ABR: variants seen among roughly 807,000 people sequenced by gnomAD.
The protein encoded by ABR is ABR activator of RhoGEF and GTPase.
Under a neutral mutation model 107.2 loss-of-function variants are expected in ABR, and 35 were observed. The observed-to-expected ratio is 0.33, with a 90% CI of 0.25 to 0.43. ABR has a LOEUF of 0.43. ABR is among the 20% of genes least tolerant of loss of function. The probability of loss-of-function intolerance (pLI) is 1.00; values close to 1 mark genes in which losing one functional copy is unlikely to be tolerated. For missense variants in ABR, 815 were observed against 1,115.2 expected (o/e 0.73, Z 3.83); for synonymous variants, 498 against 462.0 (o/e 1.08, Z -1.00).
chr17:1,101,772 CG>C (rs536779692), intron 2 of ABR, among the ~76,000 whole-genome samples: 2 of 150,166 alleles, frequency 1.3e-5, no homozygotes, highest in South Asian at 4.2e-4. Flanking sequence ...CTCGCTCTGT[CG>C]CCCAGGCTAG....
chr17:1,025,998 C>T (rs1490298704), intron 16 of ABR, among the ~76,000 whole-genome samples: 1 of 152,212 alleles, frequency 6.6e-6, no homozygotes, highest in Admixed American at 6.5e-5. Context: ...TCCCACTAAA[C>T]CCCCTGCTCC....
chr17:1,012,723 G>C lies in ABR; in HGVS notation c.1926C>G (p.Thr642=), dbSNP rs148177398. The C allele has an allele frequency of 6.3e-7, 1 of 1,594,936 alleles. No homozygotes were observed. Among genetic ancestry groups the C allele is most frequent in the Admixed American group, 1.7e-5 (1 of 57,346 alleles). The change falls in exon 18 of 23, where the codon ACC becomes ACG. Residue 642 remains threonine (T), a synonymous_variant. Transcript: ENST00000302538. ...SLKRTPSKKQ[T]GVFGVKISVV... ...CGCTGATCTTCACACCGAAGACGCC[G>C]GTCTGCTTTTTGGACGGGGTCCTCT...
At position 1,050,217 on chromosome 17, in the gene ABR, G is replaced by C. The variant is rs751461853; in HGVS notation, c.1660-36C>G. 2 of 1,588,772 alleles carry C rather than the reference G, an allele frequency of 1.3e-6. No homozygotes were observed. The highest frequency in any genetic ancestry group is 1.3e-5 in the African/African-American group (1 of 74,280). ...ATGGGACAAAGGGCCCTGAACCTCC[G>C]AAGCTGGGAGGCCTGGCTTTCCGGC... On this transcript the variant is annotated intron_variant, in intron 15 of 22. Transcript: ENST00000302538. The surrounding 1 kb of genome is among the most constrained non-coding windows in gnomAD (Gnocchi z 4.6).
chr17:1,229,630 T>C (rs2043299239), exon 1 of ABR, among the ~76,000 whole-genome samples: 1 of 151,576 alleles, frequency 6.6e-6, no homozygotes, highest in South Asian at 2.1e-4. Context: ...GGGTCCCACA[T>C]GCCCCGAGCT....
intron 1 of ABR, among the ~76,000 whole-genome samples, chr17:1,206,427 G>T (rs916065106): frequency 1.8e-4 from 28 of 152,254 alleles, no homozygotes; most frequent in Non-Finnish European, 1.3e-4. Flanking sequence ...TTCTTGCTCT[G>T]CCACCCAGGC....
upstream of ABR, among the ~76,000 whole-genome samples, chr17:1,180,143 C>T (rs1449867750): frequency 6.6e-6 from 1 of 151,446 alleles, no homozygotes; most frequent in Admixed American, 6.6e-5. Context: ...CAGCGGGGCT[C>T]CGGCGCTGGG....
intron 1 of ABR, among the ~76,000 whole-genome samples, chr17:1,129,692 T>C (rs554665652): frequency 2.1e-4 from 32 of 152,268 alleles, no homozygotes; most frequent in Non-Finnish European, 4.3e-4. Flanking sequence ...CTCACACCTG[T>C]AATCCCAGCA....
At chr17:1,186,695 A>AGC (rs1290889099) in intron 1 of ABR, 1 of 152,378 alleles carries the variant, frequency 6.6e-6, no homozygotes, top group Non-Finnish European at 1.5e-5. Flanking sequence ...CCCTCACCTG[A>AGC]CATGGCTCAG....
chr17:1,060,363 T>A (rs972619890), intron 10 of ABR, among the ~76,000 whole-genome samples: 4 of 151,892 alleles, frequency 2.6e-5, no homozygotes, highest in African/African-American at 9.7e-5. Context: ...TGAGCCCAAA[T>A]CTCACCAGTG....
chr17:1,207,550 G>A (rs2042812240), intron 1 of ABR, among the ~76,000 whole-genome samples: 2 of 149,124 alleles, frequency 1.3e-5, no homozygotes, highest in Non-Finnish European at 3.0e-5. Flanking sequence ...TCAGGAGGCT[G>A]AGCCAGGAGA....
At chr17:1,026,420 C>T (rs768198117) in intron 16 of ABR, among the ~76,000 whole-genome samples, 9 of 152,238 alleles carry the variant, frequency 5.9e-5, no homozygotes, top group Non-Finnish European at 1.3e-4. Flanking sequence ...TGCCGGTCAT[C>T]GGTACCAGCC....
intron 21 of ABR, 84 bp from the exon 22 acceptor site, chr17:1,007,396 A>G (rs2586304): frequency 0.77 from 1,174,299 of 1,533,744 alleles, 453,375 homozygotes; most frequent in African/African-American, 0.9. Context: ...CGCTGTGGGA[A>G]CTCCTGAAGG....
intron 1 of ABR, among the ~76,000 whole-genome samples, chr17:1,144,328 G>A (rs548700246): frequency 1.8e-4 from 27 of 152,014 alleles, no homozygotes; most frequent in Admixed American, 3.3e-4. Context: ...ATGCAGGGGC[G>A]GGCACAGACT....
intron 2 of ABR, among the ~76,000 whole-genome samples, chr17:1,121,840 A>G (rs1567793997): frequency 2.6e-5 from 4 of 152,196 alleles, no homozygotes; most frequent in Admixed American, 1.3e-4. Flanking sequence ...CTATCTAGAG[A>G]CAAGGAGACT....
intron 1 of ABR, 93 bp from the exon 2 acceptor site, chr17:1,125,460 G>T: frequency 2.0e-6 from 3 of 1,479,576 alleles, no homozygotes; most frequent in Non-Finnish European, 2.8e-6. Context: ...GCCCCCGGCA[G>T]CCATGGCCCC....
chr17:1,216,944 G>C (rs928854348), intron 1 of ABR, among the ~76,000 whole-genome samples: 26 of 152,224 alleles, frequency 1.7e-4, no homozygotes, highest in Admixed American at 3.3e-4. Flanking sequence ...GGGTGTTCAG[G>C]GAGCCCCATA....
In ABR at chr17:1,092,703, GA is replaced by G. The variant is rs11342352; in HGVS notation, c.346-854del. On this transcript the variant is annotated intron_variant, in intron 3 of 22. Transcript: ENST00000302538. This position sits in a 1 kb window ranked among gnomAD's most constrained non-coding sequence, Gnocchi z 4.6. ...TACAATGAATGAATATGAATAATCA[GA>G]AAAAAAAAAACCAAAGATGACCAGG... is the stretch of plus-strand genomic sequence containing the variant. Among the ~76,000 whole-genome samples, 75,512 of 148,950 alleles carry G rather than the reference GA, an allele frequency of 0.51. 19,286 individuals are homozygous for G. Among genetic ancestry groups the G allele is most frequent in the South Asian group, 0.66 (3,099 of 4,708 alleles).
chr17:1,096,051 G>A (rs2151316460), intron 3 of ABR, among the ~76,000 whole-genome samples: 1 of 152,322 alleles, frequency 6.6e-6, no homozygotes, highest in Non-Finnish European at 1.5e-5. Flanking sequence ...CCCAAGCTCA[G>A]TTCCCAGTGT....
rs2070571075 is a variant in ABR at position 1,011,768 on chromosome 17, C to T, written c.2101+78G>A. 1.4e-6 allele frequency: 2 copies of T among 1,477,136 alleles called. No individual in the cohort carries two copies. Among genetic ancestry groups the T allele is most frequent in the South Asian group, 1.4e-5 (1 of 70,192 alleles). The allele number at this position is 1,477,136 out of a possible 1,614,324, so 91.5% of individuals were successfully genotyped here. A position where few individuals can be genotyped will look rare whatever the true frequency, so the allele number is the denominator to read the frequency against. On this transcript the variant is annotated intron_variant, in intron 19 of 22. Transcript: ENST00000302538. The surrounding 1 kb of genome is among the most constrained non-coding windows in gnomAD (Gnocchi z 4.8). ...CTCCTCTCCAGGGAGGCTCCTGGTTCCCCCGAGCTCTCCTGTCCATCCCAC... is the reference window on the plus strand; with the variant it reads ...CTCCTCTCCAGGGAGGCTCCTGGTTTCCCCGAGCTCTCCTGTCCATCCCAC...
Sources: allele counts gnomAD v4.1 joint callset (sites outside exome capture counted in the v4.1 genomes callset), GRCh38; gene constraint gnomAD v4.1.1; non-coding constraint Gnocchi (gnomAD v3.1); transcripts MANE v1.5; gene names NCBI Gene and HGNC (gene_info 2026-07-23, HGNC 2026-07-21).